GRM8: variants seen among roughly 807,000 people sequenced by gnomAD.
GRM8 encodes metabotropic glutamate receptor 8.
GRM8 carries 47 observed loss-of-function variants against 87.2 expected under a neutral mutation model. That is an observed-to-expected ratio of 0.54 (90% CI 0.43 to 0.69). GRM8 has a LOEUF of 0.69. Ranked by LOEUF, GRM8 falls within the 30% of genes least tolerant of loss-of-function variation. The pLI is 0.00. For missense variants in GRM8, 1,019 were observed against 1,139.2 expected, an observed-to-expected ratio of 0.89 and a Z score of 1.52; for synonymous variants, 396 against 404.5, an observed-to-expected ratio of 0.98 and a Z score of 0.25.
chr7:126,556,780 A>T (rs1438931948), intron 8 of GRM8, among the ~76,000 whole-genome samples: 3 of 152,246 alleles, frequency 2.0e-5, no homozygotes, highest in Non-Finnish European at 4.4e-5. Flanking sequence ...AAAAGACTCC[A>T]AATGTATGTA....
rs1466595036 is a variant in GRM8, at chr7:127,008,401, A to AT, written c.727+98094dup. On this transcript the variant is annotated intron_variant, in intron 3 of 10. Transcript: ENST00000339582. The stretch of plus-strand genomic sequence containing the variant: ...ATGAAAGAAGAAGAAAACATGCCAA[A>AT]TGTCAACCATCTATATTTTAAAGTA... Among the ~76,000 whole-genome samples, 4 of 152,118 alleles carry AT rather than the reference A, an allele frequency of 2.6e-5. No individual in the cohort carries two copies. The East Asian group carries it at 7.7e-4, about 29-fold the overall frequency.
chr7:126,469,395 C>T (rs1387921881), intron 9 of GRM8, among the ~76,000 whole-genome samples: 2 of 151,802 alleles, frequency 1.3e-5, no homozygotes, highest in African/African-American at 2.4e-5. Context: ...AGTTAACCCC[C>T]ATGTTGTCAA....
chr7:127,211,839 T>C (rs537011415), intron 2 of GRM8, among the ~76,000 whole-genome samples: 2 of 152,364 alleles, frequency 1.3e-5, no homozygotes, highest in East Asian at 3.9e-4. Context: ...AATAATTTTC[T>C]ATCATTTACA....
At chr7:127,094,322 G>A (rs1341880521) in intron 3 of GRM8, among the ~76,000 whole-genome samples, 5 of 152,198 alleles carry the variant, frequency 3.3e-5, no homozygotes, top group Admixed American at 2.0e-4. Flanking sequence ...CATGACTTGG[G>A]AGGCATGCAG....
intron 9 of GRM8, among the ~76,000 whole-genome samples, chr7:126,479,259 T>C (rs564793390): frequency 9.2e-5 from 14 of 152,232 alleles, no homozygotes; most frequent in African/African-American, 3.4e-4. Flanking sequence ...ACAGAATTCA[T>C]GTATCCACTT....
chr7:126,939,325 G>T (rs1563335194), intron 3 of GRM8, among the ~76,000 whole-genome samples: 1 of 152,118 alleles, frequency 6.6e-6, no homozygotes, highest in Non-Finnish European at 1.5e-5. Flanking sequence ...CCCTTATTTA[G>T]CTGAGTCCAC....
At chr7:126,683,013 C>T (rs10258741) in intron 7 of GRM8, among the ~76,000 whole-genome samples, 1 of 152,054 alleles carries the variant, frequency 6.6e-6, no homozygotes, top group Admixed American at 6.6e-5. Flanking sequence ...CGTGCCACTG[C>T]ACTCCAGCCT....
intron 2 of GRM8, among the ~76,000 whole-genome samples, chr7:127,186,943 G>C (rs1458312482): frequency 3.3e-5 from 5 of 152,132 alleles, no homozygotes; most frequent in Admixed American, 6.5e-5. Context: ...ATGAGGTGAG[G>C]GATCTGAGAA....
intron 3 of GRM8, among the ~76,000 whole-genome samples, chr7:126,967,738 T>C (rs887079452): frequency 6.6e-6 from 1 of 152,198 alleles, no homozygotes; most frequent in Non-Finnish European, 1.5e-5. Context: ...AGGTTTCAGA[T>C]GTTATTTCTT....
At chr7:126,937,140 A>T (rs1223589728) in intron 3 of GRM8, among the ~76,000 whole-genome samples, 1 of 152,128 alleles carries the variant, frequency 6.6e-6, no homozygotes, top group African/African-American at 2.4e-5. Flanking sequence ...AATCTCCTAT[A>T]TTCTCCTAGG....
chr7:127,160,288 G>A (rs1793016281), intron 2 of GRM8, among the ~76,000 whole-genome samples: 1 of 152,044 alleles, frequency 6.6e-6, no homozygotes, highest in African/African-American at 2.4e-5. Context: ...CCTGCCAACG[G>A]GACTTGCAGG....
chr7:126,503,524 G>A (rs1809956074), intron 9 of GRM8, among the ~76,000 whole-genome samples: 1 of 151,946 alleles, frequency 6.6e-6, no homozygotes, highest in Admixed American at 6.6e-5. Flanking sequence ...TTGTTTCATT[G>A]TTGTTAGCAA....
intron 3 of GRM8, among the ~76,000 whole-genome samples, chr7:126,912,755 T>C (rs1253010245): frequency 6.6e-6 from 1 of 152,224 alleles, no homozygotes; most frequent in South Asian, 2.1e-4. Context: ...ACATTAGTGT[T>C]AATAATGTAT....
chr7:126,653,894 C>T (rs1044598806), intron 7 of GRM8, among the ~76,000 whole-genome samples: 5 of 152,112 alleles, frequency 3.3e-5, no homozygotes, highest in Non-Finnish European at 5.9e-5. Flanking sequence ...GAACACAAGG[C>T]TATTTCAAAT....
At chr7:126,831,671 G>T (rs1465685492) in intron 6 of GRM8, among the ~76,000 whole-genome samples, 1 of 152,126 alleles carries the variant, frequency 6.6e-6, no homozygotes, top group Admixed American at 6.5e-5. Flanking sequence ...GCAATGCCTT[G>T]CCCTGCTTCA....
chr7:126,817,681 T>G (rs904975089), intron 6 of GRM8, among the ~76,000 whole-genome samples: 6 of 152,090 alleles, frequency 3.9e-5, no homozygotes, highest in Non-Finnish European at 7.4e-5. Flanking sequence ...CTATCATCAG[T>G]TTTGAGCAAT....
intron 9 of GRM8, among the ~76,000 whole-genome samples, chr7:126,475,971 T>C (rs952765882): frequency 6.6e-6 from 1 of 152,118 alleles, no homozygotes; most frequent in Non-Finnish European, 1.5e-5. Flanking sequence ...TCAAAGTGAA[T>C]GCATTAAATG....
chr7:127,106,016 A>T, intron 3 of GRM8, among the ~76,000 whole-genome samples: 1 of 152,224 alleles, frequency 6.6e-6, no homozygotes, highest in East Asian at 1.9e-4. Flanking sequence ...CAAAAAGTCA[A>T]ATATGACAAT....
chr7:126,609,203 T>C (rs191350694), intron 8 of GRM8, among the ~76,000 whole-genome samples, 159 bp downstream of exon 8: 67 of 152,350 alleles, frequency 4.4e-4, no homozygotes, highest in African/African-American at 1.5e-3. Flanking sequence ...GGCTGAAGAA[T>C]GTCCATAACA....
Sources: allele counts gnomAD v4.1 joint callset (sites outside exome capture counted in the v4.1 genomes callset), GRCh38; gene constraint gnomAD v4.1.1; transcripts MANE v1.5; gene names NCBI Gene and HGNC (gene_info 2026-07-23, HGNC 2026-07-21).